Variants in KRT83 observed in about 807,000 individuals in gnomAD.
KRT83 encodes the protein keratin 83.
KRT83 carries 51 observed loss-of-function variants against 52.9 expected under a neutral mutation model. The observed-to-expected ratio is 0.96, with a 90% CI of 0.77 to 1.22. The LOEUF (loss-of-function observed/expected upper bound fraction) is 1.22, where lower values mean the gene tolerates loss of function less well. Among genes scored for constraint, KRT83 ranks in the 50% most tolerant of loss-of-function variants. The pLI is 0.00. For missense variants in KRT83, 654 were observed against 666.5 expected, an observed-to-expected ratio of 0.98 and a Z score of 0.21; for synonymous variants, 278 against 274.1, an observed-to-expected ratio of 1.01 and a Z score of -0.14.
At chr12:52,317,607 C>T in intron 4 of KRT83, 74 bp downstream of exon 4, 1 of 1,512,094 alleles carries the variant, frequency 6.6e-7, no homozygotes, top group Non-Finnish European at 9.2e-7. Flanking sequence ...CTGGTTCATG[C>T]CTGTGGGTGT....
Position 52,320,936 on chromosome 12 carries a change from C to G in KRT83, c.384+16G>C. Reference sequence around the variant, plus strand: ...AGTAGGGGTTCAGGAAGGGTGTGATCCAGGACGACACCCACCTTGTCGATG... The same window carrying G: ...AGTAGGGGTTCAGGAAGGGTGTGATGCAGGACGACACCCACCTTGTCGATG... On this transcript the variant is annotated intron_variant, in intron 1 of 8. Coordinates refer to ENST00000293670, the MANE Select transcript of KRT83 (RefSeq NM_002282.3). 1.2e-6 allele frequency: 2 copies of G among 1,613,878 alleles called. No homozygotes were observed. Among genetic ancestry groups the G allele is most frequent in the Non-Finnish European group, 1.7e-6 (2 of 1,179,882 alleles).
intron 8 of KRT83, among the ~76,000 whole-genome samples, 172 bp from the exon 9 acceptor site, chr12:52,314,990 C>G (rs1461298025): frequency 6.6e-6 from 1 of 152,174 alleles, no homozygotes; most frequent in Non-Finnish European, 1.5e-5. Flanking sequence ...GGGTTCTGGT[C>G]CTGGTTCTGC....
Position 52,314,802 on chromosome 12 carries a change from C to T in KRT83, c.1311G>A (p.Arg437=). 1 of 1,606,072 alleles carries T rather than the reference C, an allele frequency of 6.2e-7. No individual in the cohort carries two copies. Among genetic ancestry groups the T allele is most frequent in the Non-Finnish European group, 8.5e-7 (1 of 1,177,014 alleles). ...EAVNVCVSSS[R]GGVVCGDLCV... is the part of the protein sequence containing the mutation. ...AGAGATCCCCGCACACAACCCCACC[C>T]CGGGAGCTGCTGACACCTGTGGGAA... is the stretch of plus-strand genomic sequence containing the variant. The change falls in exon 9 of 9, where the codon CGG becomes CGA. Residue 437 remains arginine, a synonymous_variant. Transcript: ENST00000293670.
At chr12:52,320,667 G>A (rs2121348346) in intron 1 of KRT83, among the ~76,000 whole-genome samples, 1 of 152,252 alleles carries the variant, frequency 6.6e-6, no homozygotes, top group Non-Finnish European at 1.5e-5. Flanking sequence ...TGCCCTGAGC[G>A]CCCACACAGT....
chr12:52,317,778 TG>T lies in KRT83; in HGVS notation c.655-3del. On this transcript the variant is annotated splice_polypyrimidine_tract_variant and splice_region_variant and intron_variant, in intron 3 of 8. Coordinates refer to ENST00000293670, the MANE Select transcript of KRT83 (RefSeq NM_002282.3). The stretch of plus-strand genomic sequence containing the variant: ...GCGGAGGTAGGCGCAGTCCACATCC[TG>T]GGTGGGGTAGAAGGGGCTGTGAGGC... 6.2e-7 allele frequency: 1 copy of T among 1,613,888 alleles called. No homozygotes were observed. The highest frequency in any genetic ancestry group is 8.5e-7 in the Non-Finnish European group (1 of 1,179,892).
chr12:52,320,739 T>G (rs1938755369), intron 1 of KRT83, among the ~76,000 whole-genome samples: 1 of 152,226 alleles, frequency 6.6e-6, no homozygotes, highest in Non-Finnish European at 1.5e-5. Flanking sequence ...CTCGTTCTGC[T>G]TTTGTGTTTT....
rs751552380 is a variant in KRT83 at position 52,314,758 on chromosome 12, G to C, written c.1355C>G (p.Pro452Arg). 13 of 1,602,542 alleles carry C rather than the reference G, an allele frequency of 8.1e-6. No individual in the cohort carries two copies. Among genetic ancestry groups the C allele is most frequent in the Non-Finnish European group, 1.0e-5 (12 of 1,175,296 alleles). ...GGCACTGCAGACGCTGCCCGTCACC[G>C]GCCGGGAGCCCGACACGCAGAGATC... ...CGDLCVSGSRPVTGSVCSAPC... is the reference protein window; with the variant it reads ...CGDLCVSGSRRVTGSVCSAPC... The change falls in exon 9 of 9, where the codon CCG becomes CGG. Residue 452 changes from proline to arginine, a missense_variant. Pro to Arg is a moderately radical substitution (Grantham distance 103). Coordinates refer to ENST00000293670, the MANE Select transcript of KRT83 (RefSeq NM_002282.3).
At chr12:52,319,485 GT>G in intron 1 of KRT83, 121 bp from the exon 2 acceptor site, 2 of 1,392,732 alleles carry the variant, frequency 1.4e-6, no homozygotes, top group Non-Finnish European at 2.0e-6. Flanking sequence ...CCTGGAAGGC[GT>G]TATGTCATCT....
At position 52,316,827 on chromosome 12, in the gene KRT83, T is replaced by C; in HGVS notation, c.915+32A>G. The C allele has an allele frequency of 1.9e-6, 3 of 1,614,098 alleles. 1 individual carries two copies. The highest frequency in any genetic ancestry group is 2.2e-5 in the South Asian group (2 of 91,070). On this transcript the variant is annotated intron_variant, in intron 5 of 8. Transcript: ENST00000293670. ...ATACCTCACATCCCTCCCACTGCCA[T>C]GTCTAGCAGGCAGGTGTCCTGTGCC...
intron 2 of KRT83, 35 bp downstream of exon 2, chr12:52,319,121 T>A: frequency 6.2e-7 from 1 of 1,612,374 alleles, no homozygotes; most frequent in Non-Finnish European, 8.5e-7. Context: ...ACCATGCTAT[T>A]TCCTGTGCCC....
At chr12:52,317,141 C>G in intron 4 of KRT83, 118 bp from the exon 5 acceptor site, 2 of 1,288,110 alleles carry the variant, frequency 1.6e-6, no homozygotes, top group Non-Finnish European at 2.2e-6. Context: ...AGAAACAAAC[C>G]TGATGAAATC....
chr12:52,320,542 G>C (rs1245819456), intron 1 of KRT83, among the ~76,000 whole-genome samples: 1 of 152,192 alleles, frequency 6.6e-6, no homozygotes, highest in Non-Finnish European at 1.5e-5. Context: ...TATAGAAAGA[G>C]TTCTGTGCCA....
At chr12:52,319,035 G>A in intron 2 of KRT83, 121 bp downstream of exon 2, 1 of 1,456,212 alleles carries the variant, frequency 6.9e-7, no homozygotes. Context: ...TCAAACAGGG[G>A]GTACAGGTTC....
chr12:52,317,783 G>A lies in KRT83; in HGVS notation c.655-7C>T, dbSNP rs1938710239. 1.2e-6 allele frequency: 2 copies of A among 1,613,862 alleles called. No individual in the cohort carries two copies. Among genetic ancestry groups the A allele is most frequent in the Middle Eastern group, 1.7e-4 (1 of 6,000 alleles). ...GGTAGGCGCAGTCCACATCCTGGGT[G>A]GGGTAGAAGGGGCTGTGAGGCCGGC... On this transcript the variant is annotated splice_polypyrimidine_tract_variant and splice_region_variant and intron_variant, in intron 3 of 8. Coordinates refer to ENST00000293670, the MANE Select transcript of KRT83 (RefSeq NM_002282.3).
chr12:52,317,006 T>C lies in KRT83; in HGVS notation c.768A>G (p.Gln256=), dbSNP rs143202217. Reference sequence around the variant, plus strand: ...CCACGGAGGTGTCTGAGATGTGGGATTGGAGAATGCGGATCTCCTGCAGGA... The same window carrying C: ...CCACGGAGGTGTCTGAGATGTGGGACTGGAGAATGCGGATCTCCTGCAGGA... ...RLYEEEIRIL[Q]SHISDTSVVV... is the part of the protein sequence containing the mutation. Residue 256 remains glutamine (Q), a synonymous_variant, in exon 5 of 9, where the codon CAA becomes CAG. Coordinates refer to ENST00000293670, the MANE Select transcript of KRT83 (RefSeq NM_002282.3). The C allele has an allele frequency of 3.0e-4, 485 of 1,614,134 alleles. No individual in the cohort carries two copies. In the African/African-American group the frequency reaches 5.9e-3, roughly 20 times the overall value.
In KRT83 at chr12:52,314,787, G is replaced by A. The variant is rs764171527; in HGVS notation, c.1326C>T (p.Cys442=). ...CVSSSRGGVV[C]GDLCVSGSRP... is the part of the protein sequence containing the mutation. ...GGGAGCCCGACACGCAGAGATCCCC[G>A]CACACAACCCCACCCCGGGAGCTGC... The change falls in exon 9 of 9, where the codon TGC becomes TGT. Residue 442 remains cysteine (C), a synonymous_variant. Coordinates refer to ENST00000293670, the MANE Select transcript of KRT83 (RefSeq NM_002282.3). The A allele has an allele frequency of 3.4e-5, 54 of 1,606,692 alleles. No homozygotes were observed. The highest frequency in any genetic ancestry group is 2.9e-4 in the African/African-American group (22 of 74,816).
At chr12:52,317,578 G>A in intron 4 of KRT83, 103 bp downstream of exon 4, 1 of 1,312,874 alleles carries the variant, frequency 7.6e-7, no homozygotes, top group East Asian at 2.3e-5. Context: ...CGTGAGCCTG[G>A]GTTCATATGT....
intron 4 of KRT83, among the ~76,000 whole-genome samples, chr12:52,317,235 C>A (rs559702065): frequency 6.6e-6 from 1 of 152,204 alleles, no homozygotes; most frequent in Non-Finnish European, 1.5e-5. Flanking sequence ...ATTATTCAGG[C>A]CCATGTGCAG....
At chr12:52,314,901 C>A in intron 8 of KRT83, 83 bp from the exon 9 acceptor site, 1 of 1,351,500 alleles carries the variant, frequency 7.4e-7, no homozygotes, top group South Asian at 1.3e-5. Context: ...TCTGATGTGT[C>A]GACCATCCAG....
Sources: allele counts gnomAD v4.1 joint callset (sites outside exome capture counted in the v4.1 genomes callset), GRCh38; gene constraint gnomAD v4.1.1; transcripts MANE v1.5; gene names NCBI Gene and HGNC (gene_info 2026-07-23, HGNC 2026-07-21).